The following CUBN variants were observed in gnomAD, a reference collection of about 807,000 sequenced individuals.
CUBN encodes the protein cubilin.
A neutral mutation model predicts 405.3 loss-of-function variants in CUBN; 282 were observed. The observed-to-expected ratio is 0.70, with a 90% confidence interval of 0.63 to 0.77. The LOEUF (loss-of-function observed/expected upper bound fraction) is 0.77. Among genes scored for constraint, CUBN ranks in the 30% least tolerant of loss-of-function variants. The pLI is 0.00. For synonymous variants in CUBN, 1,684 were observed against 1,617.0 expected, an observed-to-expected ratio of 1.04 and a Z score of -0.99; for missense variants, 4,514 against 4,475.2, an observed-to-expected ratio of 1.01 and a Z score of -0.25.
chr10:16,990,404 C>G lies in CUBN; in HGVS notation c.4280G>C (p.Ser1427Thr), dbSNP rs754229455. Reference protein sequence around the residue: ...CIWYIRTDPGSSIQLTIHDFD... With the variant: ...CIWYIRTDPGTSIQLTIHDFD... ...GTCATGGATGGTGAGCTGAATGCTACTCCCGGGGTCCGTCCTAATGTACCA... is the reference window on the plus strand; with the variant it reads ...GTCATGGATGGTGAGCTGAATGCTAGTCCCGGGGTCCGTCCTAATGTACCA... Residue 1427 changes from serine to threonine, a missense_variant, in exon 29 of 67, where the codon AGT (serine) becomes ACT (threonine). Around this residue, in one of 5 missense-constraint regions of CUBN, gnomAD observed 1,613 missense variants for 1,542.8 expected, o/e 1.05. Coordinates refer to ENST00000377833, the MANE Select transcript of CUBN (RefSeq NM_001081.4). 6.2e-7 allele frequency: 1 copy of G among 1,614,182 alleles called. No individual in the cohort carries two copies. Among genetic ancestry groups the G allele is most frequent in the South Asian group, 1.1e-5 (1 of 91,082 alleles).
chr10:17,073,345 C>T (rs1030274415), intron 17 of CUBN, among the ~76,000 whole-genome samples: 1 of 151,786 alleles, frequency 6.6e-6, no homozygotes, highest in East Asian at 1.9e-4. Context: ...TATGATAACT[C>T]CATAAATTCA....
chr10:16,924,843 A>C (rs1842135853), intron 43 of CUBN, among the ~76,000 whole-genome samples: 1 of 152,160 alleles, frequency 6.6e-6, no homozygotes, highest in Non-Finnish European at 1.5e-5. Flanking sequence ...ACAGCATACA[A>C]ATTATTACAA....
intron 45 of CUBN, among the ~76,000 whole-genome samples, chr10:16,917,632 T>A (rs2131462405): frequency 6.6e-6 from 1 of 152,066 alleles, no homozygotes; most frequent in East Asian, 1.9e-4. Flanking sequence ...GAAACAGGAG[T>A]TTGATTTAAC....
rs74766231 is a variant in CUBN, at chr10:17,129,434, G to A, written c.123-184C>T. Among the ~76,000 whole-genome samples the A allele has an allele frequency of 3.8e-4, 58 of 152,226 alleles. No individual in the cohort carries two copies. In the East Asian group the frequency reaches 0.011, roughly 28 times the overall value. ...GCACATTTCTCAGAGATACCTCCTG[G>A]CAATTGCAAACAGATTATTTGCAAA... On this transcript the variant is annotated intron_variant, in intron 1 of 66. Coordinates refer to ENST00000377833, the MANE Select transcript of CUBN (RefSeq NM_001081.4).
chr10:17,107,086 T>A (rs1836652201), intron 10 of CUBN, among the ~76,000 whole-genome samples: 1 of 152,228 alleles, frequency 6.6e-6, no homozygotes, highest in South Asian at 2.1e-4. Flanking sequence ...TGATCGTGTC[T>A]ATTTAAAACA....
chr10:16,949,518 G>A (rs547128936), intron 34 of CUBN, among the ~76,000 whole-genome samples: 22 of 151,288 alleles, frequency 1.5e-4, no homozygotes, highest in Admixed American at 2.6e-4. Flanking sequence ...ACTAGATAGC[G>A]GCACTCTTTA....
At chr10:16,894,868 A>G (rs1364597893) in intron 54 of CUBN, among the ~76,000 whole-genome samples, 1 of 152,176 alleles carries the variant, frequency 6.6e-6, no homozygotes, top group East Asian at 1.9e-4. Context: ...CCAGCATTTC[A>G]TTATTTTTAG....
chr10:17,044,624 T>C (rs1291664645), intron 25 of CUBN, among the ~76,000 whole-genome samples: 1 of 152,168 alleles, frequency 6.6e-6, no homozygotes, highest in African/African-American at 2.4e-5. Flanking sequence ...GGTGAATTGC[T>C]GTACTGTGAA....
chr10:16,948,036 T>A (rs933008378), intron 35 of CUBN, among the ~76,000 whole-genome samples: 4 of 152,038 alleles, frequency 2.6e-5, no homozygotes, highest in African/African-American at 9.7e-5. Context: ...TAGTGAAACC[T>A]CGTCTCTACT....
At chr10:16,830,956 G>A (rs1256195754) in intron 65 of CUBN, among the ~76,000 whole-genome samples, 6 of 151,936 alleles carry the variant, frequency 3.9e-5, no homozygotes, top group Non-Finnish European at 5.9e-5. Context: ...GCATGGTGGC[G>A]CATGCCTGTA....
At chr10:16,850,144 G>A (rs571329875) in intron 60 of CUBN, among the ~76,000 whole-genome samples, 20 of 152,232 alleles carry the variant, frequency 1.3e-4, no homozygotes, top group Admixed American at 1.1e-3. Flanking sequence ...TTGATCACAC[G>A]AGTTTCATGA....
rs546399668 is a variant in CUBN at position 16,903,066 on chromosome 10, C to G, written c.8062+900G>C. Among the ~76,000 whole-genome samples, 12 of 152,158 alleles carry G rather than the reference C, an allele frequency of 7.9e-5. No homozygotes were observed. In the East Asian group the frequency reaches 2.3e-3, roughly 29 times the overall value. On this transcript the variant is annotated intron_variant, in intron 51 of 66. Coordinates refer to ENST00000377833, the MANE Select transcript of CUBN (RefSeq NM_001081.4). ...AACACAAAACACTAGCAAATAATAC[C>G]CATTATATGTATAAAACACACATCA...
chr10:16,909,760 C>T (rs1841668033), intron 48 of CUBN, among the ~76,000 whole-genome samples: 1 of 152,196 alleles, frequency 6.6e-6, no homozygotes, highest in Non-Finnish European at 1.5e-5. Flanking sequence ...CCCTTTTGTA[C>T]TTAGAAACTA....
chr10:16,949,474 G>GTGTGTGTGTGTGTT (rs1177087911), intron 34 of CUBN, among the ~76,000 whole-genome samples: 1 of 148,290 alleles, frequency 6.7e-6, no homozygotes, highest in African/African-American at 2.4e-5. Flanking sequence ...TAGTGTGTGT[G>GTGTGTGTGTGTGTT]TGTTTGTTTG....
chr10:16,975,302 A>G (rs1833058121), intron 31 of CUBN, among the ~76,000 whole-genome samples: 3 of 152,180 alleles, frequency 2.0e-5, no homozygotes, highest in Admixed American at 2.0e-4. Flanking sequence ...CTCCTGCTGC[A>G]CTTTGTTAAG....
At chr10:16,898,863 C>T (rs574503712) in intron 54 of CUBN, 133 bp downstream of exon 54, 3 of 724,178 alleles carry the variant, frequency 4.1e-6, no homozygotes, top group African/African-American at 1.8e-5. Context: ...AGGTTTCTCA[C>T]TTTCTCACTT....
chr10:16,940,798 A>AT (rs764904190), intron 36 of CUBN, among the ~76,000 whole-genome samples: 17 of 152,160 alleles, frequency 1.1e-4, no homozygotes, highest in Non-Finnish European at 2.4e-4. Flanking sequence ...AAGGTAAATA[A>AT]TAAAAAAAAA....
At chr10:16,837,304 G>C (rs1437678952) in intron 62 of CUBN, among the ~76,000 whole-genome samples, 1 of 151,940 alleles carries the variant, frequency 6.6e-6, no homozygotes, top group Non-Finnish European at 1.5e-5. Context: ...GAAGGGTGGG[G>C]GGCCAGCCTC....
rs71377018 is a variant in CUBN, at chr10:17,115,243, C to CA, written c.720+227dup. Among the ~76,000 whole-genome samples the CA allele has an allele frequency of 0.068, 8,247 of 121,996 alleles. 411 individuals carry two copies. The highest frequency in any genetic ancestry group is 0.2 in the East Asian group (843 of 4,136). 80.0% of individuals were successfully genotyped at this position (121,996 alleles called of 152,430 possible). On this transcript the variant is annotated intron_variant, in intron 7 of 66. Coordinates refer to ENST00000377833, the MANE Select transcript of CUBN (RefSeq NM_001081.4). ...TGGGTGACAGAGTGAGGCTCCATCT[C>CA]AAAAAAAAAAAAAAAAAAAAATCCT... is the stretch of plus-strand genomic sequence containing the variant.
Sources: gnomAD v4.1 joint callset for allele counts (sites outside exome capture counted in the v4.1 genomes callset) on GRCh38, gnomAD v4.1.1 for gene constraint, gnomAD v4.1.1 regional missense constraint, MANE v1.5 for transcripts, NCBI Gene and HGNC (gene_info 2026-07-23, HGNC 2026-07-21) for gene names.